Variants in IMMP2L observed in about 807,000 individuals in gnomAD.
The protein encoded by IMMP2L is inner mitochondrial membrane peptidase subunit 2.
In IMMP2L, 18 loss-of-function variants were observed where a neutral mutation model predicts 19.3. The observed-to-expected ratio is 0.93, with a 90% CI of 0.64 to 1.38. IMMP2L has a LOEUF of 1.38. IMMP2L is among the 40% of genes most tolerant of loss of function. The pLI is 0.00. For missense variants in IMMP2L, 233 were observed against 218.2 expected (o/e 1.07, Z -0.43); for synonymous variants, 76 against 73.0 (o/e 1.04, Z -0.21).
intron 5 of IMMP2L, among the ~76,000 whole-genome samples, chr7:110,856,374 T>G (rs1806767268): frequency 6.6e-6 from 1 of 152,008 alleles, no homozygotes; most frequent in African/African-American, 2.4e-5. Flanking sequence ...GGCAGAATAA[T>G]GCCACTGCCA....
chr7:111,459,527 A>T (rs1157154433), intron 3 of IMMP2L, among the ~76,000 whole-genome samples: 1 of 152,142 alleles, frequency 6.6e-6, no homozygotes, highest in East Asian at 1.9e-4. Flanking sequence ...TTATATCTTT[A>T]TTATATCATT....
chr7:111,066,259 G>T (rs1381485603), intron 3 of IMMP2L, among the ~76,000 whole-genome samples: 1 of 152,086 alleles, frequency 6.6e-6, no homozygotes, highest in African/African-American at 2.4e-5. Context: ...GGGATTACAG[G>T]TGTGAGCCAC....
At chr7:110,861,096 TGTGAGA>T (rs1369173823) in intron 5 of IMMP2L, among the ~76,000 whole-genome samples, 27 of 102,916 alleles carry the variant, frequency 2.6e-4, no homozygotes, top group African/African-American at 9.8e-4. Context: ...TGTGTGTGTG[TGTGAGA>T]GAGAGAGAGA....
chr7:111,380,353 G>C (rs543437103), intron 3 of IMMP2L, among the ~76,000 whole-genome samples: 8 of 151,928 alleles, frequency 5.3e-5, no homozygotes, highest in Non-Finnish European at 1.2e-4. Flanking sequence ...ATGATCGTTT[G>C]TCAAAATATG....
intron 5 of IMMP2L, among the ~76,000 whole-genome samples, chr7:110,864,573 T>C (rs1322266133): frequency 6.6e-6 from 1 of 152,102 alleles, no homozygotes; most frequent in Admixed American, 6.6e-5. Context: ...TTTCTGTTGT[T>C]GTTATCAAAA....
chr7:111,346,807 A>C (rs1322911395), intron 3 of IMMP2L, among the ~76,000 whole-genome samples: 1 of 152,168 alleles, frequency 6.6e-6, no homozygotes, highest in Admixed American at 6.6e-5. Flanking sequence ...GTGGTATAGC[A>C]GTGACTTAGA....
intron 3 of IMMP2L, among the ~76,000 whole-genome samples, chr7:110,991,257 A>G (rs919278682): frequency 2.6e-5 from 4 of 152,176 alleles, no homozygotes; most frequent in Non-Finnish European, 5.9e-5. Flanking sequence ...CCACCATGTT[A>G]AAAAATGAAG....
intron 4 of IMMP2L, among the ~76,000 whole-genome samples, chr7:110,942,526 C>T (rs1006207060): frequency 4.0e-5 from 6 of 151,754 alleles, no homozygotes; most frequent in Non-Finnish European, 7.4e-5. Context: ...CCTTGAAATA[C>T]TTAATCCTTT....
chr7:111,331,813 AT>A (rs1346530462), intron 3 of IMMP2L, among the ~76,000 whole-genome samples: 1 of 151,922 alleles, frequency 6.6e-6, no homozygotes, highest in Non-Finnish European at 1.5e-5. Flanking sequence ...GCCTTCGAGT[AT>A]CCAAGCTATA....
chr7:110,887,380 T>G (rs765649507), intron 4 of IMMP2L, among the ~76,000 whole-genome samples: 1 of 151,154 alleles, frequency 6.6e-6, no homozygotes, highest in African/African-American at 2.5e-5. Flanking sequence ...GAAAAGGCTA[T>G]CTCACGCAGT....
At position 111,019,799 on chromosome 7, in the gene IMMP2L, G is replaced by GA. The variant is rs1420319013; in HGVS notation, c.240-56235dup. Among the ~76,000 whole-genome samples the GA allele has an allele frequency of 4.0e-5, 6 of 151,842 alleles. No homozygotes were observed. The South Asian group carries it at 8.3e-4, about 21-fold the overall frequency. Reference sequence around the variant, plus strand: ...CTGGTGACACTGTTTATTATACCCAGAAAAAAAATTCTTGGAAGTAAGGGC... The same window carrying GA: ...CTGGTGACACTGTTTATTATACCCAGAAAAAAAAATTCTTGGAAGTAAGGGC... On this transcript the variant is annotated intron_variant, in intron 3 of 5. Coordinates refer to ENST00000405709, the MANE Select transcript of IMMP2L (RefSeq NM_032549.4).
At chr7:110,839,794 C>T (rs1433828279) in intron 5 of IMMP2L, among the ~76,000 whole-genome samples, 1 of 151,990 alleles carries the variant, frequency 6.6e-6, no homozygotes. Context: ...TTAATAGCTG[C>T]TTATATTAAT....
At chr7:111,468,714 G>A (rs1312622818) in intron 3 of IMMP2L, among the ~76,000 whole-genome samples, 3 of 152,072 alleles carry the variant, frequency 2.0e-5, no homozygotes, top group Non-Finnish European at 2.9e-5. Context: ...GTCAAAGAAG[G>A]AGAGATCTAT....
chr7:110,853,200 T>C (rs799650), intron 5 of IMMP2L, among the ~76,000 whole-genome samples: 69,430 of 151,730 alleles, frequency 0.46, 16,489 homozygotes, highest in East Asian at 0.8. Context: ...CATACACAAA[T>C]GCACAAAAAA....
intron 3 of IMMP2L, among the ~76,000 whole-genome samples, chr7:111,396,182 T>C (rs1832845685): frequency 6.6e-6 from 1 of 152,152 alleles, no homozygotes; most frequent in Non-Finnish European, 1.5e-5. Flanking sequence ...CACATGGATA[T>C]GTATGTTTAT....
At chr7:110,743,584 T>C (rs2130879658) in intron 5 of IMMP2L, among the ~76,000 whole-genome samples, 1 of 152,266 alleles carries the variant, frequency 6.6e-6, no homozygotes, top group East Asian at 1.9e-4. Context: ...CCAACTGAGG[T>C]ACCCCGTTCA....
rs912674268 is a variant in IMMP2L, at chr7:111,319,404, A to G, written c.239+167834T>C. ...TATGTTCCAAATATAATATAATGTT[A>G]TTTCCAAAACCGTAAAAAAAATTCA... is the stretch of plus-strand genomic sequence containing the variant. On this transcript the variant is annotated intron_variant, in intron 3 of 5. Transcript: ENST00000405709. 2.2e-4 allele frequency among the ~76,000 whole-genome samples: 34 copies of G among 152,232 alleles called. 1 individual carries two copies. Among genetic ancestry groups the G allele is most frequent in the Admixed American group, 2.0e-3 (30 of 15,274 alleles).
chr7:110,857,117 A>G (rs740341), intron 5 of IMMP2L, among the ~76,000 whole-genome samples: 91,837 of 151,890 alleles, frequency 0.6, 29,510 homozygotes, highest in East Asian at 0.85. Context: ...TGTGCCATAG[A>G]TAATACTTTC....
At chr7:111,177,106 A>G (rs1807156966) in intron 3 of IMMP2L, among the ~76,000 whole-genome samples, 2 of 152,110 alleles carry the variant, frequency 1.3e-5, no homozygotes, top group Admixed American at 1.3e-4. Flanking sequence ...AATGGTCAAA[A>G]AAAGTTTAAA....
Sources: gnomAD v4.1 joint callset for allele counts (sites outside exome capture counted in the v4.1 genomes callset) on GRCh38, gnomAD v4.1.1 for gene constraint, MANE v1.5 for transcripts, NCBI Gene and HGNC (gene_info 2026-07-23, HGNC 2026-07-21) for gene names.